Variants in PPEF2 observed in about 807,000 individuals in gnomAD.
PPEF2 encodes serine/threonine-protein phosphatase with EF-hands 2.
In PPEF2, 84 loss-of-function variants were observed where a neutral mutation model predicts 84.7. That is an observed-to-expected ratio of 0.99 (90% CI 0.83 to 1.19). The LOEUF (loss-of-function observed/expected upper bound fraction) is 1.19. Ranked by LOEUF, PPEF2 falls within the 50% of genes most tolerant of loss-of-function variation. The probability of loss-of-function intolerance (pLI) is 0.00; values close to 1 mark genes in which losing one functional copy is unlikely to be tolerated. For synonymous variants in PPEF2, 346 were observed against 345.2 expected, an observed-to-expected ratio of 1.00 and a Z score of -0.03; for missense variants, 924 against 937.5, an observed-to-expected ratio of 0.99 and a Z score of 0.19.
intron 11 of PPEF2, among the ~76,000 whole-genome samples, chr4:75,874,814 G>T (rs1026422978): frequency 6.6e-6 from 1 of 151,970 alleles, no homozygotes; most frequent in Non-Finnish European, 1.5e-5. Context: ...AGAGTCAGCT[G>T]CAACTTCTCT....
At chr4:75,882,103 A>T (rs1427632089) in intron 10 of PPEF2, 1 of 152,208 alleles carries the variant, frequency 6.6e-6, no homozygotes, top group African/African-American at 2.4e-5. Context: ...GGTAAATCAT[A>T]CATTCTGTCT....
chr4:75,863,224 G>C (rs1371208125), intron 16 of PPEF2, among the ~76,000 whole-genome samples: 1 of 151,930 alleles, frequency 6.6e-6, no homozygotes, highest in Non-Finnish European at 1.5e-5. Context: ...AGGTGCAGTG[G>C]TTCACGCCTG....
intron 13 of PPEF2, among the ~76,000 whole-genome samples, chr4:75,868,177 G>A (rs541444998): frequency 1.3e-4 from 20 of 151,472 alleles, no homozygotes; most frequent in South Asian, 4.2e-4. Flanking sequence ...TTAGCCAGGC[G>A]TGGTGGCGTG....
At chr4:75,870,892 T>TTTATTTATTTAG (rs1451818704) in intron 13 of PPEF2, among the ~76,000 whole-genome samples, 2 of 150,298 alleles carry the variant, frequency 1.3e-5, no homozygotes, top group East Asian at 3.9e-4. Flanking sequence ...TATTTATTTA[T>TTTATTTATTTAG]TTATTTATTT....
At chr4:75,873,047 G>A (rs1578004154) in intron 12 of PPEF2, 80 bp downstream of exon 12, 1 of 1,349,368 alleles carries the variant, frequency 7.4e-7, no homozygotes, top group East Asian at 2.3e-5. Context: ...GAAACTGAGA[G>A]CCTTTGCTCA....
At chr4:75,863,914 C>T (rs1234149901) in intron 16 of PPEF2, among the ~76,000 whole-genome samples, 3 of 150,484 alleles carry the variant, frequency 2.0e-5, no homozygotes, top group South Asian at 2.1e-4. Flanking sequence ...ACTCTGTCGC[C>T]GAGGCTGGAG....
At chr4:75,863,598 G>A (rs1724058636) in intron 16 of PPEF2, among the ~76,000 whole-genome samples, 1 of 151,842 alleles carries the variant, frequency 6.6e-6, no homozygotes, top group Non-Finnish European at 1.5e-5. Flanking sequence ...CTTCATACAG[G>A]TGAATTATAT....
At chr4:75,870,110 G>A (rs963283215) in intron 13 of PPEF2, among the ~76,000 whole-genome samples, 3 of 152,090 alleles carry the variant, frequency 2.0e-5, no homozygotes, top group Non-Finnish European at 4.4e-5. Context: ...ATTCACTGTA[G>A]GGAATCCTAC....
intron 15 of PPEF2, among the ~76,000 whole-genome samples, chr4:75,865,279 A>C (rs1024280869): frequency 6.6e-6 from 1 of 152,130 alleles, no homozygotes; most frequent in Non-Finnish European, 1.5e-5. Context: ...AATTTTGTGC[A>C]TGAAACAAAC....
intron 1 of PPEF2, among the ~76,000 whole-genome samples, chr4:75,901,745 A>G (rs1725129156): frequency 6.6e-6 from 1 of 152,182 alleles, no homozygotes; most frequent in Non-Finnish European, 1.5e-5. Context: ...AACGTGGGTG[A>G]GACCCCTTCT....
In PPEF2 at chr4:75,884,609, T is replaced by C. The variant is rs368321674; in HGVS notation, c.731A>G (p.His244Arg). The C allele has an allele frequency of 3.1e-6, 5 of 1,603,610 alleles. No individual in the cohort carries two copies. Among genetic ancestry groups the C allele is most frequent in the Non-Finnish European group, 4.2e-6 (5 of 1,177,512 alleles). ...TGACTTGTACCGTAAGTTCACCATATGGTCCTCATGGTTTCCTCTGTTAAG... is the reference window on the plus strand; with the variant it reads ...TGACTTGTACCGTAAGTTCACCATACGGTCCTCATGGTTTCCTCTGTTAAG... The part of the protein sequence containing the change: ...FHLNRGNHED[H>R]MVNLRYGFTK... The change falls in exon 8 of 17, where the codon CAT (histidine) becomes CGT (arginine). Residue 244 changes from histidine (H) to arginine (R), a missense_variant. Physicochemically the swap from His to Arg is conservative, Grantham distance 29. Coordinates refer to ENST00000286719, the MANE Select transcript of PPEF2 (RefSeq NM_006239.3).
Position 75,901,117 on chromosome 4 carries a change from TA to T in PPEF2, c.-59+1112del. Among the ~76,000 whole-genome samples, 3 of 152,304 alleles carry T rather than the reference TA, an allele frequency of 2.0e-5. 1 individual carries two copies. In the East Asian group the frequency reaches 5.8e-4, roughly 29 times the overall value. ...GATATTTTTCTAAAATTTTTACACATAAGAAAAATTAGAAAGTGGCTCTGAC... is the reference window on the plus strand; with the variant it reads ...GATATTTTTCTAAAATTTTTACACATAGAAAAATTAGAAAGTGGCTCTGAC... On this transcript the variant is annotated intron_variant, in intron 1 of 16. Coordinates refer to ENST00000286719, the MANE Select transcript of PPEF2 (RefSeq NM_006239.3).
At chr4:75,892,104 A>G in intron 2 of PPEF2, 126 bp from the exon 3 acceptor site, 2 of 1,256,096 alleles carry the variant, frequency 1.6e-6, no homozygotes, top group Non-Finnish European at 2.2e-6. Flanking sequence ...GAGCAGAAGC[A>G]CTACCCATTG....
intron 13 of PPEF2, among the ~76,000 whole-genome samples, chr4:75,871,027 C>T (rs1412042317): frequency 4.6e-5 from 7 of 151,940 alleles, no homozygotes; most frequent in Admixed American, 3.9e-4. Context: ...CAGCAATTCT[C>T]CTGCCTCAGC....
intron 13 of PPEF2, 24 bp from the exon 14 acceptor site, chr4:75,867,443 C>T (rs1382987292): frequency 6.8e-7 from 1 of 1,472,312 alleles, no homozygotes; most frequent in African/African-American, 1.4e-5. Flanking sequence ...TGAAAAGCGA[C>T]ATTTTAACAC....
intron 15 of PPEF2, among the ~76,000 whole-genome samples, chr4:75,865,777 T>G (rs1472726528): frequency 1.3e-5 from 2 of 152,186 alleles, no homozygotes; most frequent in Non-Finnish European, 2.9e-5. Context: ...AGGTTGCACA[T>G]ACGTTACATA....
intron 8 of PPEF2, among the ~76,000 whole-genome samples, chr4:75,883,832 A>T (rs1724643947): frequency 6.7e-6 from 1 of 150,182 alleles, no homozygotes; most frequent in African/African-American, 2.5e-5. Context: ...AAAAAAAAAA[A>T]AAAAAAAAAA....
At chr4:75,900,876 C>T (rs1725104791) in intron 1 of PPEF2, among the ~76,000 whole-genome samples, 1 of 151,808 alleles carries the variant, frequency 6.6e-6, no homozygotes. Context: ...GAAAACGGCC[C>T]CAAGATATAT....
chr4:75,899,778 A>ATTGATGG (rs1380464377), intron 1 of PPEF2, among the ~76,000 whole-genome samples: 4 of 113,804 alleles, frequency 3.5e-5, no homozygotes, highest in African/African-American at 5.4e-5. Context: ...TCATGTCCAA[A>ATTGATGG]CCAACAAAAC....
Sources: allele counts gnomAD v4.1 joint callset (sites outside exome capture counted in the v4.1 genomes callset), GRCh38; gene constraint gnomAD v4.1.1; transcripts MANE v1.5; gene names NCBI Gene and HGNC (gene_info 2026-07-23, HGNC 2026-07-21).